The following KIF6 variants were observed in gnomAD, a reference collection of about 807,000 sequenced individuals.
KIF6 encodes the protein kinesin family member 6, also known as kinesin-like protein KIF6.
Under a neutral mutation model 112.7 loss-of-function variants are expected in KIF6, and 106 were observed. The ratio of observed to expected loss-of-function variants is 0.94; its 90% CI spans 0.80 to 1.11. The LOEUF is 1.11. Ranked by LOEUF, KIF6 falls within the 50% of genes least tolerant of loss-of-function variation. KIF6 has a pLI of 0.00. For synonymous variants in KIF6, 339 were observed against 339.9 expected, an observed-to-expected ratio of 1.00 and a Z score of 0.03; for missense variants, 929 against 964.0, an observed-to-expected ratio of 0.96 and a Z score of 0.48.
chr6:39,389,000 A>G (rs938449328), intron 15 of KIF6, among the ~76,000 whole-genome samples: 1 of 152,144 alleles, frequency 6.6e-6, no homozygotes, highest in African/African-American at 2.4e-5. Context: ...CTCCCTTTTG[A>G]TACATTAATT....
intron 10 of KIF6, 41 bp downstream of exon 10, chr6:39,578,015 T>A: frequency 2.2e-6 from 3 of 1,338,988 alleles, no homozygotes; most frequent in Non-Finnish European, 3.2e-6. Flanking sequence ...AACACAAACT[T>A]TCACTGTTAA....
chr6:39,517,131 G>GAGGTGACCA (rs1562280415), intron 13 of KIF6, among the ~76,000 whole-genome samples: 1 of 152,154 alleles, frequency 6.6e-6, no homozygotes, highest in Admixed American at 6.5e-5. Context: ...GCTAAGAAAG[G>GAGGTGACCA]AGGTGACCAA....
chr6:39,350,791 A>G (rs1485123346), intron 19 of KIF6, among the ~76,000 whole-genome samples: 1 of 152,146 alleles, frequency 6.6e-6, no homozygotes, highest in Non-Finnish European at 1.5e-5. Context: ...CTTCCTTTCC[A>G]GTCTCTGGCG....
At chr6:39,372,930 C>T (rs1457021649) in intron 16 of KIF6, among the ~76,000 whole-genome samples, 1 of 152,192 alleles carries the variant, frequency 6.6e-6, no homozygotes, top group Non-Finnish European at 1.5e-5. Context: ...ATCACCTTCT[C>T]TGGGGAGATG....
intron 13 of KIF6, among the ~76,000 whole-genome samples, chr6:39,468,409 T>C (rs903185376): frequency 6.6e-6 from 1 of 151,996 alleles, no homozygotes; most frequent in African/African-American, 2.4e-5. Context: ...TACAAAGAGA[T>C]CCAGACCTAA....
intron 3 of KIF6, among the ~76,000 whole-genome samples, chr6:39,682,259 A>T (rs938548488): frequency 6.6e-6 from 1 of 152,366 alleles, no homozygotes; most frequent in Middle Eastern, 3.4e-3. Flanking sequence ...TGAACATCAT[A>T]GCATGTACTT....
chr6:39,557,194 T>C (rs1779751555), intron 10 of KIF6, among the ~76,000 whole-genome samples: 1 of 152,168 alleles, frequency 6.6e-6, no homozygotes, highest in Non-Finnish European at 1.5e-5. Context: ...CTTGTGGGTG[T>C]GTTTCCATTT....
At chr6:39,572,920 T>G (rs918298140) in intron 10 of KIF6, among the ~76,000 whole-genome samples, 8 of 150,824 alleles carry the variant, frequency 5.3e-5, no homozygotes, top group African/African-American at 2.0e-4. Context: ...ATATTTACAT[T>G]AAGCATAGAA....
At chr6:39,393,857 G>A (rs1340748990) in intron 15 of KIF6, among the ~76,000 whole-genome samples, 1 of 152,162 alleles carries the variant, frequency 6.6e-6, no homozygotes. Context: ...CAAGGGATGG[G>A]TGTTGTGGGG....
chr6:39,652,527 C>CAA (rs35256748), intron 3 of KIF6, among the ~76,000 whole-genome samples: 8 of 140,294 alleles, frequency 5.7e-5, no homozygotes, highest in South Asian at 2.2e-4. Context: ...AACTCCATCT[C>CAA]AAAAAAAAAA....
chr6:39,545,780 G>A lies in KIF6; in HGVS notation c.1182-92C>T, dbSNP rs1427816626. 5.0e-5 allele frequency: 38 copies of A among 762,846 alleles called. 1 individual carries two copies. Among genetic ancestry groups the A allele is most frequent in the Non-Finnish European group, 7.9e-5 (35 of 440,766 alleles). The allele number at this position is 762,846 out of a possible 1,614,324, so 47.3% of individuals were successfully genotyped here. On this transcript the variant is annotated intron_variant, in intron 10 of 22. Coordinates refer to ENST00000287152, the MANE Select transcript of KIF6 (RefSeq NM_145027.6). ...CTAGTTGGTTAACATTTGAAGTACA[G>A]AATATTGTTCCCACCTCTTTACAGA...
intron 3 of KIF6, among the ~76,000 whole-genome samples, chr6:39,672,280 C>G (rs1448878389): frequency 6.6e-6 from 1 of 152,164 alleles, no homozygotes; most frequent in Non-Finnish European, 1.5e-5. Context: ...CCACGCCCAG[C>G]TAGAAACTTA....
chr6:39,693,062 G>C (rs1788319297), intron 3 of KIF6, among the ~76,000 whole-genome samples: 1 of 152,190 alleles, frequency 6.6e-6, no homozygotes, highest in South Asian at 2.1e-4. Flanking sequence ...ACATGGAACT[G>C]GCGTACAGCT....
chr6:39,419,155 A>G (rs899788495), intron 15 of KIF6, among the ~76,000 whole-genome samples: 2 of 152,028 alleles, frequency 1.3e-5, no homozygotes, highest in Non-Finnish European at 2.9e-5. Flanking sequence ...GGAGTTCGAG[A>G]CCAGCCTAGC....
chr6:39,558,047 T>C (rs1779816388), intron 10 of KIF6, among the ~76,000 whole-genome samples: 2 of 151,690 alleles, frequency 1.3e-5, no homozygotes, highest in Admixed American at 1.3e-4. Flanking sequence ...GAGCAAAGTT[T>C]AAAAAACTCA....
At position 39,452,256 on chromosome 6, in the gene KIF6, C is replaced by T. The variant is rs190505527; in HGVS notation, c.1646-21095G>A. The stretch of plus-strand genomic sequence containing the variant: ...GGAAAGGGTGCTAAAAGTTAAGCTG[C>T]TAGGATGAAGAAGAATCTAAATTGG... On this transcript the variant is annotated intron_variant, in intron 13 of 22. Coordinates refer to ENST00000287152, the MANE Select transcript of KIF6 (RefSeq NM_145027.6). Among the ~76,000 whole-genome samples the T allele has an allele frequency of 1.2e-3, 190 of 152,274 alleles. 1 individual carries two copies. The highest frequency in any genetic ancestry group is 4.3e-3 in the African/African-American group (180 of 41,554).
At chr6:39,652,276 T>A (rs1231184197) in intron 3 of KIF6, among the ~76,000 whole-genome samples, 1 of 152,128 alleles carries the variant, frequency 6.6e-6, no homozygotes, top group Non-Finnish European at 1.5e-5. Flanking sequence ...ATGCCTGTAA[T>A]CCCAGCACTT....
chr6:39,343,313 G>T lies in KIF6; in HGVS notation c.2428+396C>A. 4.6e-6 allele frequency: 6 copies of T among 1,294,588 alleles called. No homozygotes were observed. The highest frequency in any genetic ancestry group is 6.0e-6 in the Non-Finnish European group (6 of 992,134). 80.2% of individuals were successfully genotyped at this position (1,294,588 alleles called of 1,614,324 possible). ...TGGCAAGAACCACACTCTGATAGGGGAGTGAGACTTTAAGCCAGGGGTTCA... is the reference window on the plus strand; with the variant it reads ...TGGCAAGAACCACACTCTGATAGGGTAGTGAGACTTTAAGCCAGGGGTTCA... On this transcript the variant is annotated intron_variant, in intron 22 of 22. Coordinates refer to ENST00000287152, the MANE Select transcript of KIF6 (RefSeq NM_145027.6). The surrounding 1 kb of genome is among the most constrained non-coding windows in gnomAD (Gnocchi z 4.1).
chr6:39,615,076 G>A (rs1197266583), intron 5 of KIF6, among the ~76,000 whole-genome samples: 3 of 152,076 alleles, frequency 2.0e-5, no homozygotes, highest in Admixed American at 1.3e-4. Context: ...TGGACACTGA[G>A]GTGGGAGGAT....
Sources: gnomAD v4.1 joint callset for allele counts (sites outside exome capture counted in the v4.1 genomes callset) on GRCh38, gnomAD v4.1.1 for gene constraint, Gnocchi (gnomAD v3.1) non-coding constraint, MANE v1.5 for transcripts, NCBI Gene and HGNC (gene_info 2026-07-23, HGNC 2026-07-21) for gene names.